The following CERS6 variants were observed in gnomAD, a reference collection of about 807,000 sequenced individuals.
The protein encoded by CERS6 is LAG1 homolog, ceramide synthase 6.
CERS6 carries 26 observed loss-of-function variants against 56.8 expected under a neutral mutation model. The ratio of observed to expected loss-of-function variants is 0.46; its 90% CI spans 0.34 to 0.63. The LOEUF is 0.63. Among genes scored for constraint, CERS6 ranks in the 30% least tolerant of loss-of-function variants. The probability of loss-of-function intolerance (pLI) is 0.01; values close to 1 mark genes in which losing one functional copy is unlikely to be tolerated. For missense variants in CERS6, 415 were observed against 467.5 expected (o/e 0.89, Z 1.04); for synonymous variants, 164 against 173.3 (o/e 0.95, Z 0.42).
chr2:168,470,068 T>C lies in CERS6; in HGVS notation c.170+13450T>C, dbSNP rs371418352. Among the ~76,000 whole-genome samples the C allele has an allele frequency of 5.3e-4, 80 of 152,194 alleles. 1 individual carries two copies. The South Asian group carries it at 0.016, about 30-fold the overall frequency. ...AGGGAAAATTGAAACAGCTGGTCAC[T>C]CTACCTGACTGCTCAGCCTATTAAA... On this transcript the variant is annotated intron_variant, in intron 1 of 9. Coordinates refer to ENST00000305747, the MANE Select transcript of CERS6 (RefSeq NM_203463.3).
At position 168,769,301 on chromosome 2, in the gene CERS6, A is replaced by C. The variant is rs143840013; in HGVS notation, c.1003-209A>C. 3.8e-3 allele frequency among the ~76,000 whole-genome samples: 582 copies of C among 152,326 alleles called. 3 individuals carry two copies. Among genetic ancestry groups the C allele is most frequent in the African/African-American group, 0.013 (558 of 41,558 alleles). On this transcript the variant is annotated intron_variant, in intron 9 of 9. Transcript: ENST00000305747. ...AAGTCAAGAAGTCTAGCCCTCCATGATACTTACATTCCTTCATAAATGACT... is the reference window on the plus strand; with the variant it reads ...AAGTCAAGAAGTCTAGCCCTCCATGCTACTTACATTCCTTCATAAATGACT...
intron 4 of CERS6, among the ~76,000 whole-genome samples, chr2:168,632,825 G>T (rs1183070110): frequency 6.6e-6 from 1 of 152,140 alleles, no homozygotes; most frequent in African/African-American, 2.4e-5. Context: ...GCCTGGTTCT[G>T]TTGGTGAGGG....
chr2:168,457,856 G>T (rs753407454), intron 1 of CERS6, among the ~76,000 whole-genome samples: 2 of 152,164 alleles, frequency 1.3e-5, no homozygotes, highest in Non-Finnish European at 2.9e-5. Flanking sequence ...TTTTGTCTCA[G>T]GAAGGTATAT....
intron 1 of CERS6, among the ~76,000 whole-genome samples, chr2:168,514,176 GT>G (rs1694845829): frequency 6.6e-6 from 1 of 152,178 alleles, no homozygotes; most frequent in Non-Finnish European, 1.5e-5. Flanking sequence ...GTTACGAATA[GT>G]CAGAGTCTGT....
At chr2:168,737,918 T>C (rs1047733672) in intron 8 of CERS6, among the ~76,000 whole-genome samples, 4 of 152,216 alleles carry the variant, frequency 2.6e-5, no homozygotes, top group Non-Finnish European at 5.9e-5. Context: ...GATAATGGCA[T>C]TATGGTGAGT....
chr2:168,538,662 C>T (rs960874273), intron 1 of CERS6, among the ~76,000 whole-genome samples: 17 of 152,202 alleles, frequency 1.1e-4, no homozygotes, highest in African/African-American at 3.6e-4. Context: ...AGAATGTAAG[C>T]TCCATAAAAA....
At chr2:168,531,928 A>T (rs1169813578) in intron 1 of CERS6, among the ~76,000 whole-genome samples, 1 of 152,174 alleles carries the variant, frequency 6.6e-6, no homozygotes, top group Non-Finnish European at 1.5e-5. Context: ...CACTTGCTGA[A>T]TATTTTCCAA....
chr2:168,579,105 T>A (rs1456518654), intron 3 of CERS6, among the ~76,000 whole-genome samples: 1 of 152,206 alleles, frequency 6.6e-6, no homozygotes, highest in Non-Finnish European at 1.5e-5. Context: ...GTATAATGAA[T>A]TCCCATGTAT....
chr2:168,620,058 C>CAT (rs1684429512), intron 3 of CERS6, among the ~76,000 whole-genome samples: 1 of 117,798 alleles, frequency 8.5e-6, no homozygotes, highest in Non-Finnish European at 1.8e-5. Flanking sequence ...CACACACACA[C>CAT]ACACATATTT....
intron 1 of CERS6, among the ~76,000 whole-genome samples, chr2:168,533,405 C>T (rs541380534): frequency 3.3e-5 from 5 of 152,282 alleles, no homozygotes; most frequent in African/African-American, 7.2e-5. Flanking sequence ...AATTGTTTGA[C>T]GACTTCTTTT....
intron 4 of CERS6, among the ~76,000 whole-genome samples, chr2:168,658,668 A>G (rs572306394): frequency 1.3e-5 from 2 of 152,354 alleles, no homozygotes; most frequent in South Asian, 2.1e-4. Context: ...GACTGGCAAT[A>G]TGCTAAAATT....
Position 168,582,037 on chromosome 2 carries a change from G to A in CERS6, c.407+20715G>A, listed in dbSNP as rs949233461. On this transcript the variant is annotated intron_variant, in intron 3 of 9. Transcript: ENST00000305747. ...AACCACCTTGGTCATGATCACAGTTGTGGGTCTCTTACCACAACTTCTCAT... is the reference window on the plus strand; with the variant it reads ...AACCACCTTGGTCATGATCACAGTTATGGGTCTCTTACCACAACTTCTCAT... Among the ~76,000 whole-genome samples the A allele has an allele frequency of 3.3e-5, 5 of 152,312 alleles. No individual in the cohort carries two copies. The East Asian group carries it at 9.6e-4, about 29-fold the overall frequency.
intron 1 of CERS6, among the ~76,000 whole-genome samples, chr2:168,462,305 A>G (rs951932109): frequency 9.2e-5 from 14 of 151,522 alleles, no homozygotes; most frequent in African/African-American, 3.4e-4. Context: ...CTTAGGAACC[A>G]TTTTTTCATT....
rs574047407 is a variant in CERS6, at chr2:168,773,407, T to G, written c.*3745T>G. 3 of 152,366 alleles carry G rather than the reference T, an allele frequency of 2.0e-5. No individual in the cohort carries two copies. The South Asian group carries it at 6.2e-4, about 32-fold the overall frequency. 9.4% of individuals were successfully genotyped at this position (152,366 alleles called of 1,614,324 possible). On this transcript the variant is annotated 3_prime_UTR_variant, in exon 10 of 10. Coordinates refer to ENST00000305747, the MANE Select transcript of CERS6 (RefSeq NM_203463.3). ...TGTGGTATTTCAGGTCTTCAGGTTC[T>G]GATTAGCTTACTTTTTTCCTTTGTC...
At chr2:168,545,332 A>G (rs890075552) in intron 1 of CERS6, among the ~76,000 whole-genome samples, 4 of 152,206 alleles carry the variant, frequency 2.6e-5, no homozygotes, top group African/African-American at 9.7e-5. Context: ...ACAAAGCATC[A>G]TATTTATTTG....
intron 6 of CERS6, among the ~76,000 whole-genome samples, chr2:168,698,359 A>G (rs946975479): frequency 1.3e-5 from 2 of 151,870 alleles, no homozygotes; most frequent in Admixed American, 6.6e-5. Flanking sequence ...TGCAGGAAGC[A>G]TGATACTGGG....
At chr2:168,674,144 C>T (rs1047208710) in intron 4 of CERS6, among the ~76,000 whole-genome samples, 2 of 152,070 alleles carry the variant, frequency 1.3e-5, no homozygotes, top group African/African-American at 4.8e-5. Flanking sequence ...AAAGTCAAGC[C>T]GAGAGTGTCT....
chr2:168,601,530 G>C (rs987228911), intron 3 of CERS6, among the ~76,000 whole-genome samples: 1 of 151,926 alleles, frequency 6.6e-6, no homozygotes, highest in African/African-American at 2.4e-5. Context: ...AACATTCTCA[G>C]GTGGACGCCA....
intron 3 of CERS6, among the ~76,000 whole-genome samples, chr2:168,610,282 A>T (rs1684155873): frequency 6.6e-6 from 1 of 151,866 alleles, no homozygotes; most frequent in African/African-American, 2.4e-5. Context: ...CGGCCGACTG[A>T]TTTTTTTTAG....
Sources: allele counts gnomAD v4.1 joint callset (sites outside exome capture counted in the v4.1 genomes callset), GRCh38; gene constraint gnomAD v4.1.1; transcripts MANE v1.5; gene names NCBI Gene and HGNC (gene_info 2026-07-23, HGNC 2026-07-21).